The following YY1AP1 variants were observed in gnomAD, a reference collection of about 807,000 sequenced individuals.
YY1AP1 encodes the protein YY1-associated protein 1.
YY1AP1 carries 43 observed loss-of-function variants against 39.9 expected under a neutral mutation model. That is an observed-to-expected ratio of 1.08 (90% CI 0.84 to 1.39). The LOEUF (loss-of-function observed/expected upper bound fraction) is 1.39, where lower values mean the gene tolerates loss of function less well. Ranked by LOEUF, YY1AP1 falls within the 40% of genes most tolerant of loss-of-function variation. The probability of loss-of-function intolerance (pLI) is 0.00; values close to 1 mark genes in which losing one functional copy is unlikely to be tolerated. For synonymous variants in YY1AP1, 292 were observed against 331.3 expected, an observed-to-expected ratio of 0.88 and a Z score of 1.29; for missense variants, 813 against 900.7, an observed-to-expected ratio of 0.90 and a Z score of 1.25.
rs867985922 is a variant in YY1AP1 at position 155,688,734 on chromosome 1, A to T, written c.-227T>A. The T allele has an allele frequency of 6.0e-6, 9 of 1,501,246 alleles. No homozygotes were observed. In the South Asian group the frequency reaches 9.8e-5, roughly 16 times the overall value. The allele number at this position is 1,501,246 out of a possible 1,614,324, so 93.0% of individuals were successfully genotyped here. Reference sequence around the variant, plus strand: ...CTCCCTCCCCGCCCGCACGGCCACCAACCGCCGCCAAAGCAGCCGCCGCCA... The same window carrying T: ...CTCCCTCCCCGCCCGCACGGCCACCTACCGCCGCCAAAGCAGCCGCCGCCA... On this transcript the variant is annotated 5_prime_UTR_variant, in exon 1 of 11. Transcript: ENST00000355499.
chr1:155,681,723 A>C (rs1331960341), intron 2 of YY1AP1, among the ~76,000 whole-genome samples: 1 of 152,242 alleles, frequency 6.6e-6, no homozygotes, highest in Non-Finnish European at 1.5e-5. Context: ...TCTGTAGATG[A>C]TGTAAAGCTG....
intron 2 of YY1AP1, among the ~76,000 whole-genome samples, chr1:155,681,494 G>C (rs1287638514): frequency 6.6e-6 from 1 of 152,142 alleles, no homozygotes; most frequent in Non-Finnish European, 1.5e-5. Flanking sequence ...AGGCTGAGGT[G>C]AGAGAATCTC....
At chr1:155,678,653 TA>T (rs1261680828) in intron 4 of YY1AP1, among the ~76,000 whole-genome samples, 2 of 152,206 alleles carry the variant, frequency 1.3e-5, no homozygotes, top group Non-Finnish European at 2.9e-5. Context: ...TTGGTTGGCC[TA>T]TCTTATCTTT....
intron 2 of YY1AP1, among the ~76,000 whole-genome samples, chr1:155,684,468 C>T (rs1028513497): frequency 6.6e-6 from 1 of 151,924 alleles, no homozygotes; most frequent in Non-Finnish European, 1.5e-5. Flanking sequence ...GGGGCCATGT[C>T]AATAGAAAGA....
chr1:155,685,107 C>T (rs1417254031), intron 2 of YY1AP1, among the ~76,000 whole-genome samples: 2 of 152,208 alleles, frequency 1.3e-5, no homozygotes, highest in African/African-American at 2.4e-5. Flanking sequence ...TTCAAACCAA[C>T]AGTTCCTTTA....
chr1:155,676,878 C>T (rs1650775561), intron 4 of YY1AP1, 132 bp from the exon 5 acceptor site: 4 of 866,374 alleles, frequency 4.6e-6, no homozygotes, highest in Middle Eastern at 2.9e-4. Flanking sequence ...CTTTAGCCAA[C>T]AGTCAAACTC....
chr1:155,679,198 C>T (rs982198752), intron 4 of YY1AP1: 2 of 1,503,858 alleles, frequency 1.3e-6, no homozygotes, highest in African/African-American at 2.8e-5. Flanking sequence ...GTTTTTTCTC[C>T]CTTCCCAAAC....
chr1:155,678,045 TGC>T (rs1343560188), intron 4 of YY1AP1, among the ~76,000 whole-genome samples: 2 of 152,236 alleles, frequency 1.3e-5, no homozygotes, highest in African/African-American at 4.8e-5. Flanking sequence ...AGTACAGTCA[TGC>T]GCCACAGAAT....
At position 155,660,456 on chromosome 1, in the gene YY1AP1, G is replaced by C. The variant is rs1393169212; in HGVS notation, c.1454C>G (p.Ala485Gly). The change falls in exon 11 of 11, where the codon GCT becomes GGT. Residue 485 changes from alanine (A) to glycine (G), a missense_variant. Transcript: ENST00000355499. The stretch of plus-strand genomic sequence containing the variant: ...GCTTGTCCTGGCCTCAGGGGGCATA[G>C]CAGGCAGTGCTGCAGGAGACTCAAA... ...ESFESPAALP[A>G]MPPEARTSFP... 1.9e-6 allele frequency: 3 copies of C among 1,614,044 alleles called. No individual in the cohort carries two copies. The highest frequency in any genetic ancestry group is 2.5e-6 in the Non-Finnish European group (3 of 1,180,046).
At chr1:155,676,415 G>T in intron 5 of YY1AP1, 133 bp downstream of exon 5, 3 of 1,053,784 alleles carry the variant, frequency 2.8e-6, no homozygotes, top group Non-Finnish European at 4.2e-6. Flanking sequence ...CTGATGTGAA[G>T]ATACTACGGT....
intron 8 of YY1AP1, among the ~76,000 whole-genome samples, chr1:155,669,664 A>G (rs2149041464): frequency 1.3e-5 from 2 of 152,358 alleles, no homozygotes; most frequent in African/African-American, 2.4e-5. Flanking sequence ...CATAACATAT[A>G]TAATCATGGT....
chr1:155,688,110 A>G lies in YY1AP1; in HGVS notation c.-60T>C, dbSNP rs143953255. On this transcript the variant is annotated 5_prime_UTR_variant, in exon 2 of 11. Transcript: ENST00000355499. ...AGAGCGATGAGAGTACAGGGAAGTG[A>G]GGAAGAGGGGGTGGCCGCCAGGCTC... 8.4e-3 allele frequency: 13,529 copies of G among 1,610,104 alleles called. 105 individuals carry two copies. Among genetic ancestry groups the G allele is most frequent in the Non-Finnish European group, 9.7e-3 (11,374 of 1,177,502 alleles).
rs371056637 is a variant in YY1AP1 at position 155,668,684 on chromosome 1, T to C, written c.822A>G (p.Gln274=). 26 of 1,614,082 alleles carry C rather than the reference T, an allele frequency of 1.6e-5. No homozygotes were observed. Among genetic ancestry groups the C allele is most frequent in the East Asian group, 4.5e-5 (2 of 44,896 alleles). Residue 274 remains glutamine (Q), a synonymous_variant, in exon 9 of 11, where the codon CAA becomes CAG. Transcript: ENST00000355499. ...KYLLTCKTAR[Q]LTVRIKNLNM... ...TGAGGTTCTTGATTCTCACTGTCAG[T>C]TGGCGGGCAGTCTTGCAGGTTAGAA...
At chr1:155,675,217 G>A (rs1650467593) in intron 5 of YY1AP1, 121 bp from the exon 6 acceptor site, 2 of 856,628 alleles carry the variant, frequency 2.3e-6, no homozygotes, top group South Asian at 3.2e-5. Context: ...TTGGAGTGCA[G>A]TGGTGCAACC....
Position 155,660,018 on chromosome 1 carries a change from G to C in YY1AP1, c.1892C>G (p.Pro631Arg), listed in dbSNP as rs771540169. ...CACATTCATGTGGGCCTTATCTTCA[G>C]GGGTGGATGGTATAGGAAGATTCAC... Reference protein sequence around the residue: ...NSVNLPIPSTPEDKAHMNVDI... With the variant: ...NSVNLPIPSTREDKAHMNVDI... The change falls in exon 11 of 11, where the codon CCT (proline) becomes CGT (arginine). Residue 631 changes from proline to arginine, a missense_variant. This residue lies in a region of YY1AP1 where 586 missense variants were observed against 647.4 expected (regional missense o/e 0.91). Coordinates refer to ENST00000355499, the MANE Select transcript of YY1AP1 (RefSeq NM_139119.3). 1 of 1,614,118 alleles carries C rather than the reference G, an allele frequency of 6.2e-7. No homozygotes were observed. Among genetic ancestry groups the C allele is most frequent in the African/African-American group, 1.3e-5 (1 of 74,932 alleles).
chr1:155,664,679 G>GA (rs1343611200), intron 9 of YY1AP1, among the ~76,000 whole-genome samples: 2 of 151,226 alleles, frequency 1.3e-5, no homozygotes, highest in Non-Finnish European at 2.9e-5. Context: ...GAGCAACAGT[G>GA]AGACTCTGTC....
At position 155,679,159 on chromosome 1, in the gene YY1AP1, C is replaced by T. The variant is rs370921578; in HGVS notation, c.125+250G>A. 3.2e-3 allele frequency: 4,597 copies of T among 1,437,642 alleles called. 39 individuals are homozygous for T. The highest frequency in any genetic ancestry group is 0.02 in the South Asian group (1,647 of 81,364). 89.1% of individuals were successfully genotyped at this position (1,437,642 alleles called of 1,614,324 possible). ...ACATACCTCTCCAGCACCACTCACC[C>T]GGAGAAGTGGATATGGATGCCAGCT... is the stretch of plus-strand genomic sequence containing the variant. On this transcript the variant is annotated intron_variant, in intron 4 of 10. Coordinates refer to ENST00000355499, the MANE Select transcript of YY1AP1 (RefSeq NM_139119.3).
intron 7 of YY1AP1, 29 bp downstream of exon 7, chr1:155,672,531 A>T (rs1206254688): frequency 5.0e-6 from 8 of 1,606,206 alleles, no homozygotes; most frequent in Non-Finnish European, 5.1e-6. Flanking sequence ...CGCAAGTAAA[A>T]ACTTAAAGCT....
chr1:155,661,185 G>C (rs779617611), intron 10 of YY1AP1, 122 bp downstream of exon 10: 3 of 1,606,196 alleles, frequency 1.9e-6, no homozygotes, highest in Non-Finnish European at 2.6e-6. Context: ...GGTGAATCAG[G>C]AAGATTCCTG....
Sources: gnomAD v4.1 joint callset for allele counts (sites outside exome capture counted in the v4.1 genomes callset) on GRCh38, gnomAD v4.1.1 for gene constraint, gnomAD v4.1.1 regional missense constraint, MANE v1.5 for transcripts, NCBI Gene and HGNC (gene_info 2026-07-23, HGNC 2026-07-21) for gene names.